Variants in SLC9A6 observed in about 807,000 individuals in gnomAD.
SLC9A6 encodes the protein solute carrier family 9 member A6.
Under a neutral mutation model 45.3 loss-of-function variants are expected in SLC9A6, and 6 were observed. The observed-to-expected ratio is 0.13, with a 90% confidence interval of 0.07 to 0.26. The LOEUF (loss-of-function observed/expected upper bound fraction) is 0.26, where lower values mean the gene tolerates loss of function less well. SLC9A6 is among the 10% of genes least tolerant of loss of function. The pLI is 1.00. For synonymous variants in SLC9A6, 191 were observed against 187.7 expected, an observed-to-expected ratio of 1.02 and a Z score of -0.14; for missense variants, 278 against 503.7, an observed-to-expected ratio of 0.55 and a Z score of 4.29.
intron 1 of SLC9A6, 29 bp from the exon 2 acceptor site, chrX:135,985,574 C>T (rs1556614739): frequency 1.7e-6 from 2 of 1,204,967 alleles, no homozygotes; most frequent in Middle Eastern, 2.4e-4. Context: ...CCCGCAGGCT[C>T]ATGCGGCCCC....
intron 1 of SLC9A6, chrX:135,974,905 C>T: frequency 3.9e-6 from 1 of 258,380 alleles, no homozygotes; most frequent in Non-Finnish European, 7.3e-6. Context: ...AATAACGCAG[C>T]CTTCTTGCCT....
intron 12 of SLC9A6, among the ~76,000 whole-genome samples, chrX:136,023,472 A>C (rs1210338808): frequency 9.2e-6 from 1 of 108,457 alleles, no homozygotes; most frequent in Non-Finnish European, 1.9e-5. Flanking sequence ...TGCACTAAAA[A>C]GAACAAACAA....
At chrX:135,997,398 CTTTTT>C (rs1180028983) in intron 3 of SLC9A6, among the ~76,000 whole-genome samples, 1 of 63,304 alleles carries the variant, frequency 1.6e-5, no homozygotes, top group African/African-American at 6.6e-5. Context: ...CATGCTTTCT[CTTTTT>C]TTTTTTTTTT....
intron 10 of SLC9A6, among the ~76,000 whole-genome samples, chrX:136,013,962 T>C (rs1393485692): frequency 8.9e-6 from 1 of 112,487 alleles, no homozygotes; most frequent in Non-Finnish European, 1.9e-5. Context: ...AAAGCTACTA[T>C]GTTTCCAGGA....
intron 2 of SLC9A6, among the ~76,000 whole-genome samples, chrX:135,993,247 A>T (rs1410597067): frequency 1.8e-5 from 2 of 111,661 alleles, no homozygotes; most frequent in Non-Finnish European, 3.8e-5. Flanking sequence ...ATAAAGAAAG[A>T]AAGTAGATGA....
intron 7 of SLC9A6, among the ~76,000 whole-genome samples, chrX:136,006,620 A>G (rs1284516726): frequency 9.0e-6 from 1 of 110,547 alleles, no homozygotes; most frequent in Non-Finnish European, 1.9e-5. Flanking sequence ...TTGATATATT[A>G]TGTTAGATAC....
chrX:135,981,731 G>A (rs2148126251), upstream of SLC9A6, among the ~76,000 whole-genome samples: 1 of 112,128 alleles, frequency 8.9e-6, no homozygotes, highest in African/African-American at 3.2e-5. Flanking sequence ...CAGGGTGTGT[G>A]GAGCATTGGG....
At chrX:136,000,276 A>AG (rs2089562650) in intron 6 of SLC9A6, among the ~76,000 whole-genome samples, 1 of 106,777 alleles carries the variant, frequency 9.4e-6, no homozygotes, top group Non-Finnish European at 1.9e-5. Context: ...AAAAAAAAAA[A>AG]AAAAAGATTT....
intron 8 of SLC9A6, among the ~76,000 whole-genome samples, chrX:136,012,131 T>C (rs1556618752): frequency 8.8e-6 from 1 of 113,003 alleles, no homozygotes; most frequent in Non-Finnish European, 1.9e-5. Context: ...GCTCTAAAAC[T>C]TCTATGATAC....
At chrX:136,038,905 A>G (rs1261628512) in intron 16 of SLC9A6, among the ~76,000 whole-genome samples, 18 of 110,293 alleles carry the variant, frequency 1.6e-4, no homozygotes, top group African/African-American at 5.7e-4. Context: ...GCTAGAATTC[A>G]TCATTCCAGT....
At chrX:135,997,045 C>T (rs1035381529) in intron 3 of SLC9A6, among the ~76,000 whole-genome samples, 5 of 110,392 alleles carry the variant, frequency 4.5e-5, no homozygotes, top group African/African-American at 6.6e-5. Flanking sequence ...GGATTACAGG[C>T]TTGAGCCACC....
Position 136,040,110 on chromosome X carries a change from C to T in SLC9A6, c.1696C>T (p.Pro566Ser), listed in dbSNP as rs1556622356. Residue 566 changes from proline (P) to serine (S), a missense_variant, in exon 17 of 18, where the codon CCG becomes TCG. Pro to Ser is a moderately conservative substitution (Grantham distance 74). This residue lies in a region of SLC9A6 where 91 missense variants were observed against 125.1 expected (regional missense o/e 0.73). Transcript: ENST00000630721. ...GCCTCTGCTGACCCACAGCGGGCCT[C>T]CGCTGACAACAACACTCCCTGCCTG... Reference protein sequence around the residue: ...LKPLLTHSGPPLTTTLPACCG... With the variant: ...LKPLLTHSGPSLTTTLPACCG... 8.3e-7 allele frequency: 1 copy of T among 1,211,300 alleles called. No individual in the cohort carries two copies. Among genetic ancestry groups the T allele is most frequent in the South Asian group, 1.8e-5 (1 of 56,837 alleles).
chrX:136,006,853 A>C (rs1003387416), intron 7 of SLC9A6, among the ~76,000 whole-genome samples: 2 of 111,157 alleles, frequency 1.8e-5, no homozygotes, highest in South Asian at 7.6e-4. Flanking sequence ...ATTTCTACCT[A>C]TTCAATTAAC....
At chrX:136,027,579 G>T (rs782784867) in intron 13 of SLC9A6, among the ~76,000 whole-genome samples, 1 of 111,942 alleles carries the variant, frequency 8.9e-6, no homozygotes, top group Non-Finnish European at 1.9e-5. Context: ...GAGGCCATAT[G>T]GTCTGTCTCA....
chrX:135,974,033 G>A (rs1556612991), upstream of SLC9A6: 2 of 509,844 alleles, frequency 3.9e-6, no homozygotes, highest in East Asian at 7.9e-5. Context: ...CGAGAACAGG[G>A]TGGGGCAGAG....
rs144256237 is a variant in SLC9A6 at position 136,031,815 on chromosome X, G to A, written c.1582-1599G>A. Among the ~76,000 whole-genome samples the A allele has an allele frequency of 9.6e-3, 1,070 of 111,462 alleles. 4 individuals are homozygous for A. The highest frequency in any genetic ancestry group is 0.016 in the Non-Finnish European group (831 of 53,042). ...GTATACAGGTGTTCATGTGGTGAGG[G>A]GTGGTGAAATGTTGTTCTTCAAGAG... On this transcript the variant is annotated intron_variant, in intron 15 of 17. Transcript: ENST00000630721.
chrX:135,990,040 C>T (rs1467899908), intron 2 of SLC9A6, among the ~76,000 whole-genome samples: 1 of 111,760 alleles, frequency 8.9e-6, no homozygotes, highest in Non-Finnish European at 1.9e-5. Context: ...GGCTGGAGTG[C>T]AGTGGCGCTA....
chrX:136,011,447 G>A (rs910738915), intron 8 of SLC9A6, among the ~76,000 whole-genome samples: 5 of 109,753 alleles, frequency 4.6e-5, no homozygotes, highest in South Asian at 4.0e-4. Context: ...TCATCATGTC[G>A]GCCAGGCTGA....
rs1387502754 is a variant in SLC9A6 at position 136,007,335 on chromosome X, T to C, written c.744-3107T>C. ...TGGCCTAGTGGGTAGAAGTTTTCAATGCACAGGACAGCATTCCCCTCACCC... is the reference window on the plus strand; with the variant it reads ...TGGCCTAGTGGGTAGAAGTTTTCAACGCACAGGACAGCATTCCCCTCACCC... On this transcript the variant is annotated intron_variant, in intron 7 of 17. Transcript: ENST00000630721. 7.3e-5 allele frequency among the ~76,000 whole-genome samples: 8 copies of C among 110,165 alleles called. No individual in the cohort carries two copies. In the Admixed American group the frequency reaches 7.8e-4, roughly 11 times the overall value.
Sources: allele counts gnomAD v4.1 joint callset (sites outside exome capture counted in the v4.1 genomes callset), GRCh38; gene constraint gnomAD v4.1.1; regional missense constraint gnomAD v4.1.1; transcripts MANE v1.5; gene names NCBI Gene and HGNC (gene_info 2026-07-23, HGNC 2026-07-21).